The following OPHN1 variants were observed in gnomAD, a reference collection of about 807,000 sequenced individuals.
The protein encoded by OPHN1 is oligophrenin-1.
OPHN1 carries 11 observed loss-of-function variants against 60.7 expected under a neutral mutation model. The ratio of observed to expected loss-of-function variants is 0.18; its 90% CI spans 0.11 to 0.30. The LOEUF is 0.30. OPHN1 is among the 10% of genes least tolerant of loss of function. The pLI is 1.00. For synonymous variants in OPHN1, 226 were observed against 222.6 expected, an observed-to-expected ratio of 1.02 and a Z score of -0.14; for missense variants, 449 against 611.0, an observed-to-expected ratio of 0.73 and a Z score of 2.80.
At chrX:68,416,454 T>C (rs1001164741) in intron 2 of OPHN1, among the ~76,000 whole-genome samples, 2 of 110,765 alleles carry the variant, frequency 1.8e-5, no homozygotes, top group Admixed American at 1.9e-4. Flanking sequence ...AGACAGACAG[T>C]CAAAAAGGAT....
At chrX:68,180,581 C>G (rs2077432273) in intron 15 of OPHN1, among the ~76,000 whole-genome samples, 1 of 111,533 alleles carries the variant, frequency 9.0e-6, no homozygotes, top group Admixed American at 9.5e-5. Context: ...TACAGATACC[C>G]TGGCAAATTA....
intron 15 of OPHN1, among the ~76,000 whole-genome samples, chrX:68,182,130 G>A (rs781654643): frequency 7.3e-5 from 8 of 109,607 alleles, no homozygotes; most frequent in Non-Finnish European, 1.1e-4. Flanking sequence ...GAACAGACTG[G>A]GAGTGTACAA....
At chrX:68,432,369 A>T (rs1280184687) in intron 2 of OPHN1, among the ~76,000 whole-genome samples, 1 of 111,915 alleles carries the variant, frequency 8.9e-6, no homozygotes, top group Non-Finnish European at 1.9e-5. Flanking sequence ...TGCTTTCCTT[A>T]AAAAATAACT....
chrX:68,172,750 T>C (rs1365521549), intron 15 of OPHN1, among the ~76,000 whole-genome samples: 1 of 111,582 alleles, frequency 9.0e-6, no homozygotes, highest in Non-Finnish European at 1.9e-5. Flanking sequence ...AGAATGCTCA[T>C]AGCAGTTATA....
chrX:68,240,142 T>C (rs2077773757), intron 5 of OPHN1, among the ~76,000 whole-genome samples: 1 of 112,531 alleles, frequency 8.9e-6, no homozygotes, highest in Admixed American at 9.4e-5. Context: ...AGTGGGGCTC[T>C]CCAGTACTGG....
chrX:68,078,168 C>T (rs1372633642), intron 19 of OPHN1, among the ~76,000 whole-genome samples: 1 of 111,166 alleles, frequency 9.0e-6, no homozygotes, highest in Non-Finnish European at 1.9e-5. Context: ...CATTTCATGA[C>T]ATCTGTGAAA....
intron 2 of OPHN1, among the ~76,000 whole-genome samples, chrX:68,312,252 A>ATTTT (rs1238021221): frequency 2.5e-3 from 173 of 69,763 alleles, no homozygotes; most frequent in East Asian, 3.3e-3. Flanking sequence ...GGCTCGGCTA[A>ATTTT]TTTTTTTTTT....
At position 68,046,694 on chromosome X, in the gene OPHN1, C is replaced by T. The variant is rs1189794956; in HGVS notation, c.*478G>A. On this transcript the variant is annotated 3_prime_UTR_variant, in exon 25 of 25. Transcript: ENST00000355520. ...TTGAGATTCTCCAATGTTCAGCAAA[C>T]ATTTCTATTCCCTTCCAACCAAGGT... 1 of 112,058 alleles carries T rather than the reference C, an allele frequency of 8.9e-6. No homozygotes were observed. Among genetic ancestry groups the T allele is most frequent in the Non-Finnish European group, 1.9e-5 (1 of 53,257 alleles). The allele number at this position is 112,058 out of a possible 1,213,427, so 9.2% of individuals were successfully genotyped here.
intron 2 of OPHN1, among the ~76,000 whole-genome samples, chrX:68,354,358 A>C (rs1465743934): frequency 9.7e-6 from 1 of 103,243 alleles, no homozygotes; most frequent in Admixed American, 1.1e-4. Context: ...GACCGAGTTC[A>C]AGAATTGCTT....
At chrX:68,241,295 GT>G (rs1169277744) in intron 5 of OPHN1, among the ~76,000 whole-genome samples, 1 of 112,036 alleles carries the variant, frequency 8.9e-6, no homozygotes, top group East Asian at 2.8e-4. Context: ...AAAGGCAAAT[GT>G]TAAAAAGTTC....
chrX:68,303,897 G>A (rs1469950232), intron 2 of OPHN1, among the ~76,000 whole-genome samples: 1 of 110,810 alleles, frequency 9.0e-6, no homozygotes, highest in Non-Finnish European at 1.9e-5. Context: ...GAAGGGTAGG[G>A]AGGAGCAGGG....
At chrX:68,132,164 A>C (rs140211600) in intron 15 of OPHN1, among the ~76,000 whole-genome samples, 2,332 of 111,103 alleles carry the variant, frequency 0.021, 38 homozygotes, top group Non-Finnish European at 0.031. Flanking sequence ...ATCTAGAACT[A>C]GAAATACCAT....
At chrX:68,306,960 G>A (rs1359054731) in intron 2 of OPHN1, among the ~76,000 whole-genome samples, 4 of 111,340 alleles carry the variant, frequency 3.6e-5, no homozygotes, top group East Asian at 2.8e-4. Flanking sequence ...CTGGCTTCAA[G>A]TGATCCTCCC....
intron 5 of OPHN1, among the ~76,000 whole-genome samples, chrX:68,246,189 C>T (rs190862110): frequency 8.9e-6 from 1 of 111,995 alleles, no homozygotes. Context: ...AAAAACCATC[C>T]TGAGGTACCA....
chrX:68,064,960 C>T (rs779302312), intron 20 of OPHN1, among the ~76,000 whole-genome samples: 3 of 110,387 alleles, frequency 2.7e-5, no homozygotes, highest in East Asian at 2.9e-4. Context: ...CTTGGACACA[C>T]GAAGGGGAAC....
In OPHN1 at chrX:68,042,554, C is replaced by T. The variant is rs900152266; in HGVS notation, c.*4618G>A. On this transcript the variant is annotated 3_prime_UTR_variant, in exon 25 of 25. Transcript: ENST00000355520. ...CTTATCTTTAAGGTATCTTGTCCTTCGCGAAGGACATGAACAGACACTTCT... is the reference window on the plus strand; with the variant it reads ...CTTATCTTTAAGGTATCTTGTCCTTTGCGAAGGACATGAACAGACACTTCT... 2.7e-5 allele frequency: 3 copies of T among 110,203 alleles called. No individual in the cohort carries two copies. The highest frequency in any genetic ancestry group is 1.9e-4 in the Admixed American group (2 of 10,333). The allele number at this position is 110,203 out of a possible 1,213,427, so 9.1% of individuals were successfully genotyped here.
chrX:68,390,143 A>C (rs2078646427), intron 2 of OPHN1, among the ~76,000 whole-genome samples: 1 of 111,260 alleles, frequency 9.0e-6, no homozygotes, highest in African/African-American at 3.3e-5. Flanking sequence ...TGATTCAGTT[A>C]CCTCCCACTG....
intron 23 of OPHN1, 60 bp from the exon 24 acceptor site, chrX:68,048,517 T>C: frequency 1.0e-6 from 1 of 1,001,476 alleles, no homozygotes; most frequent in Non-Finnish European, 1.4e-6. Flanking sequence ...AAAGGTAAAT[T>C]GGGGGAATGG....
At chrX:68,070,536 G>A in intron 20 of OPHN1, 1 of 653,164 alleles carries the variant, frequency 1.5e-6, no homozygotes, top group Non-Finnish European at 2.6e-6. Context: ...ATTGCCGAGA[G>A]CATCCACCCC....
Sources: allele counts gnomAD v4.1 joint callset (sites outside exome capture counted in the v4.1 genomes callset), GRCh38; gene constraint gnomAD v4.1.1; transcripts MANE v1.5; gene names NCBI Gene and HGNC (gene_info 2026-07-23, HGNC 2026-07-21).